SH3D19: variants seen among roughly 807,000 people sequenced by gnomAD.
SH3D19 encodes the protein SH3 domain-containing protein 19.
In SH3D19, 58 loss-of-function variants were observed where a neutral mutation model predicts 112.1. The ratio of observed to expected loss-of-function variants is 0.52; its 90% CI spans 0.42 to 0.64. SH3D19 has a LOEUF of 0.64. Ranked by LOEUF, SH3D19 falls within the 30% of genes least tolerant of loss-of-function variation. The pLI, the probability that SH3D19 is intolerant of heterozygous loss-of-function variation, is 0.00. For missense variants in SH3D19, 1,090 were observed against 1,263.4 expected, an observed-to-expected ratio of 0.86 and a Z score of 2.08; for synonymous variants, 391 against 448.5, an observed-to-expected ratio of 0.87 and a Z score of 1.62.
intron 9 of SH3D19, among the ~76,000 whole-genome samples, chr4:151,150,207 A>AAAAATT (rs747196646): frequency 4.2e-5 from 1 of 23,722 alleles, no homozygotes; most frequent in South Asian, 1.1e-3. Context: ...AAAAAAAAAA[A>AAAAATT]TATATATATA....
intron 1 of SH3D19, chr4:151,283,291 G>C: frequency 6.2e-7 from 1 of 1,611,830 alleles, no homozygotes; most frequent in East Asian, 2.2e-5. Context: ...TGCAAGGTCA[G>C]GGTTTGCTCT....
chr4:151,275,848 A>T (rs10009103), intron 1 of SH3D19, among the ~76,000 whole-genome samples: 51,310 of 133,876 alleles, frequency 0.38, 10,825 homozygotes, highest in Non-Finnish European at 0.47. Context: ...TATTATTATT[A>T]TTTTTTTTTT....
At chr4:151,148,261 AC>A in intron 10 of SH3D19, 75 bp from the exon 11 acceptor site, 1 of 381,774 alleles carries the variant, frequency 2.6e-6, no homozygotes, top group Non-Finnish European at 4.2e-6. Context: ...TCTTACACAC[AC>A]ACACACACAC....
intron 1 of SH3D19, among the ~76,000 whole-genome samples, chr4:151,250,442 A>G (rs748217076): frequency 1.3e-5 from 2 of 152,072 alleles, no homozygotes; most frequent in African/African-American, 4.8e-5. Flanking sequence ...ATGTGTGTGT[A>G]TATATATTAT....
intron 1 of SH3D19, among the ~76,000 whole-genome samples, chr4:151,306,421 T>C (rs1295673623): frequency 6.6e-6 from 1 of 151,922 alleles, no homozygotes; most frequent in Admixed American, 6.6e-5. Flanking sequence ...ATTACAGGAG[T>C]TCCTGACACA....
At chr4:151,199,190 T>A (rs1425764810) in intron 2 of SH3D19, among the ~76,000 whole-genome samples, 1 of 152,042 alleles carries the variant, frequency 6.6e-6, no homozygotes, top group African/African-American at 2.4e-5. Flanking sequence ...CAAAGAAGTA[T>A]GTTTTAGGAT....
chr4:151,323,202 G>A (rs1451699378), intron 1 of SH3D19, among the ~76,000 whole-genome samples: 2 of 152,250 alleles, frequency 1.3e-5, no homozygotes, highest in South Asian at 4.1e-4. Flanking sequence ...ACTACCTTAA[G>A]TCCATAAACC....
intron 2 of SH3D19, among the ~76,000 whole-genome samples, chr4:151,210,128 T>G (rs1345522063): frequency 6.6e-6 from 1 of 152,162 alleles, no homozygotes; most frequent in Non-Finnish European, 1.5e-5. Flanking sequence ...GTAGTATATA[T>G]GAAAAGTCTT....
intron 2 of SH3D19, among the ~76,000 whole-genome samples, chr4:151,214,398 G>C (rs1286978309): frequency 1.2e-5 from 1 of 83,026 alleles, no homozygotes; most frequent in African/African-American, 3.1e-5. Context: ...CCTCCCAGAC[G>C]GGGTGGTGGC....
At chr4:151,301,443 T>C (rs2651324) in intron 1 of SH3D19, among the ~76,000 whole-genome samples, 1,617 of 152,268 alleles carry the variant, frequency 0.011, 27 homozygotes, top group African/African-American at 0.036. Flanking sequence ...GTCAGGCTCA[T>C]CACCAACTCC....
chr4:151,162,342 G>T (rs112370376), intron 8 of SH3D19, among the ~76,000 whole-genome samples: 4 of 152,044 alleles, frequency 2.6e-5, no homozygotes, highest in African/African-American at 9.7e-5. Flanking sequence ...CTTTTTTATG[G>T]CTGCAGCCCG....
chr4:151,288,129 A>C (rs1015013257), intron 1 of SH3D19, among the ~76,000 whole-genome samples: 22 of 152,126 alleles, frequency 1.4e-4, no homozygotes, highest in African/African-American at 5.3e-4. Flanking sequence ...GGAGTTTTTC[A>C]ACTCGATCAA....
chr4:151,169,362 C>T (rs1004457363), intron 7 of SH3D19, among the ~76,000 whole-genome samples: 1 of 152,130 alleles, frequency 6.6e-6, no homozygotes, highest in African/African-American at 2.4e-5. Context: ...GGCTGTTTGG[C>T]AGGAGTGGTC....
At chr4:151,298,181 A>ATTTTTTTT (rs386401883) in intron 1 of SH3D19, among the ~76,000 whole-genome samples, 19 of 94,886 alleles carry the variant, frequency 2.0e-4, no homozygotes, top group African/African-American at 4.6e-4. Context: ...AGAATAATAA[A>ATTTTTTTT]TTTTTTTTTT....
chr4:151,148,135 G>A lies in SH3D19; in HGVS notation c.1869C>T (p.Pro623=). The change falls in exon 11 of 20, where the codon CCC becomes CCT. Residue 623 remains proline, a synonymous_variant. Coordinates refer to ENST00000604030, the MANE Select transcript of SH3D19 (RefSeq NM_001378122.1). The part of the protein sequence containing the change: ...IPTQQPPTKV[P]PERPPPPKLS... ...GCTTTGGGGGAGGTGGTCTCTCAGG[G>A]GGCACCTTGGTTGGAGGCTGTTGAG... 1.2e-6 allele frequency: 2 copies of A among 1,612,976 alleles called. No individual in the cohort carries two copies. Among genetic ancestry groups the A allele is most frequent in the South Asian group, 2.2e-5 (2 of 90,842 alleles).
intron 1 of SH3D19, chr4:151,262,652 C>G (rs917009441): frequency 6.7e-6 from 1 of 149,974 alleles, no homozygotes; most frequent in Admixed American, 6.7e-5. Flanking sequence ...TCCCTTTGCT[C>G]TATGTACTGT....
intron 9 of SH3D19, among the ~76,000 whole-genome samples, chr4:151,152,665 T>C (rs1283735795): frequency 4.8e-5 from 7 of 147,094 alleles, no homozygotes; most frequent in South Asian, 2.2e-4. Flanking sequence ...ATTACAGGCA[T>C]GCGCCACCAT....
At chr4:151,264,268 T>G (rs1186687150) in intron 1 of SH3D19, among the ~76,000 whole-genome samples, 1 of 151,598 alleles carries the variant, frequency 6.6e-6, no homozygotes, top group Admixed American at 6.6e-5. Flanking sequence ...TTGTCTCTAT[T>G]AAAAATACAA....
intron 1 of SH3D19, among the ~76,000 whole-genome samples, chr4:151,234,793 G>T (rs1263395806): frequency 2.3e-5 from 3 of 130,524 alleles, no homozygotes; most frequent in Non-Finnish European, 4.6e-5. Context: ...CGTCACTCAG[G>T]CTGGAGTGCA....
Sources: gnomAD v4.1 joint callset for allele counts (sites outside exome capture counted in the v4.1 genomes callset) on GRCh38, gnomAD v4.1.1 for gene constraint, MANE v1.5 for transcripts, NCBI Gene and HGNC (gene_info 2026-07-23, HGNC 2026-07-21) for gene names.